Variants in FANCL observed in about 807,000 individuals in gnomAD.
FANCL encodes the protein E3 ubiquitin-protein ligase FANCL.
Under a neutral mutation model 59.4 loss-of-function variants are expected in FANCL, and 69 were observed. The observed-to-expected ratio is 1.16, with a 90% CI of 0.96 to 1.42. The LOEUF (loss-of-function observed/expected upper bound fraction) is 1.42. Among genes scored for constraint, FANCL ranks in the 40% most tolerant of loss-of-function variants. The pLI is 0.00. For missense variants in FANCL, 519 were observed against 447.2 expected, an observed-to-expected ratio of 1.16 and a Z score of -1.45; for synonymous variants, 180 against 147.1, an observed-to-expected ratio of 1.22 and a Z score of -1.62.
chr2:58,212,575 T>G (rs781384016), intron 5 of FANCL, among the ~76,000 whole-genome samples: 2 of 152,216 alleles, frequency 1.3e-5, no homozygotes, highest in African/African-American at 2.4e-5. Context: ...GCAAAAGTAT[T>G]TGGTACTTTC....
In FANCL at chr2:58,187,504, A is replaced by C. The variant is rs575810554; in HGVS notation, c.540+11090T>G. Among the ~76,000 whole-genome samples, 652 of 152,134 alleles carry C rather than the reference A, an allele frequency of 4.3e-3. 3 individuals are homozygous for C. Among genetic ancestry groups the C allele is most frequent in the African/African-American group, 0.015 (606 of 41,496 alleles). On this transcript the variant is annotated intron_variant, in intron 7 of 13. Coordinates refer to ENST00000233741, the MANE Select transcript of FANCL (RefSeq NM_018062.4). The stretch of plus-strand genomic sequence containing the variant: ...TGGGAGCAGCAAACCAACATGGCCC[A>C]TGTATACATATGTAACAAACCTGCA...
chr2:58,201,959 TG>T (rs1460653859), intron 6 of FANCL, among the ~76,000 whole-genome samples: 1 of 151,742 alleles, frequency 6.6e-6, no homozygotes, highest in African/African-American at 2.4e-5. Flanking sequence ...CTTTGAGGTA[TG>T]TTATTAATAA....
At chr2:58,215,552 T>C (rs1461683630) in intron 5 of FANCL, among the ~76,000 whole-genome samples, 1 of 152,090 alleles carries the variant, frequency 6.6e-6, no homozygotes, top group African/African-American at 2.4e-5. Context: ...TGACCAGGCC[T>C]TGAAGGGCCA....
intron 7 of FANCL, among the ~76,000 whole-genome samples, chr2:58,196,428 A>T (rs954926789): frequency 3.9e-5 from 6 of 152,078 alleles, no homozygotes; most frequent in Non-Finnish European, 8.8e-5. Flanking sequence ...ATTTCAGTAT[A>T]TTCCACAAAT....
intron 7 of FANCL, among the ~76,000 whole-genome samples, chr2:58,175,314 G>T (rs558508469): frequency 1.1e-3 from 167 of 148,244 alleles, no homozygotes; most frequent in Admixed American, 1.1e-3. Flanking sequence ...TACCAAAGCC[G>T]GGCAGAGACA....
chr2:58,217,180 A>ATT (rs1558806442), intron 5 of FANCL, among the ~76,000 whole-genome samples: 522 of 7,908 alleles, frequency 0.066, 19 homozygotes, highest in African/African-American at 0.23. Flanking sequence ...ATATATATAT[A>ATT]TATATATATA....
intron 6 of FANCL, among the ~76,000 whole-genome samples, chr2:58,203,434 T>C (rs1011595642): frequency 6.6e-6 from 1 of 151,962 alleles, no homozygotes; most frequent in Non-Finnish European, 1.5e-5. Context: ...GACATCCTGG[T>C]TTTCTTCAAA....
chr2:58,228,074 T>C (rs28434419), intron 3 of FANCL, among the ~76,000 whole-genome samples: 2,288 of 152,044 alleles, frequency 0.015, 57 homozygotes, highest in African/African-American at 0.051. Flanking sequence ...TATGGTCATT[T>C]TTTTTATTTT....
intron 7 of FANCL, among the ~76,000 whole-genome samples, chr2:58,176,209 G>A (rs1349583363): frequency 6.6e-6 from 1 of 152,166 alleles, no homozygotes; most frequent in African/African-American, 2.4e-5. Context: ...ACTGCCCAAC[G>A]TACTTTATAG....
At chr2:58,172,687 A>G (rs1356194011) in intron 7 of FANCL, among the ~76,000 whole-genome samples, 1 of 152,200 alleles carries the variant, frequency 6.6e-6, no homozygotes, top group Non-Finnish European at 1.5e-5. Flanking sequence ...AAGATGGGGA[A>G]AAAACAGACC....
chr2:58,192,827 T>C (rs1689064274), intron 7 of FANCL, among the ~76,000 whole-genome samples: 2 of 151,848 alleles, frequency 1.3e-5, no homozygotes, highest in Non-Finnish European at 1.5e-5. Context: ...ACAGGTGAGA[T>C]GAAGGCTATG....
At position 58,160,137 on chromosome 2, in the gene FANCL, T is replaced by C; in HGVS notation, c.1063A>G (p.Ile355Val). ...LLTSRQSFNI[I>V]FGECPYCSKP... Reference sequence around the variant, plus strand: ...CTACAATATGGACATTCACCAAATATGATGTTAAAACTCTGTCTACTAGTT... The same window carrying C: ...CTACAATATGGACATTCACCAAATACGATGTTAAAACTCTGTCTACTAGTT... The change falls in exon 13 of 14, where the codon ATA becomes GTA. Residue 355 changes from isoleucine to valine, a missense_variant. By Grantham distance (29) the Ile-to-Val change is conservative. Transcript: ENST00000233741. The C allele has an allele frequency of 1.2e-6, 2 of 1,612,914 alleles. No homozygotes were observed. The highest frequency in any genetic ancestry group is 8.5e-7 in the Non-Finnish European group (1 of 1,179,108).
At chr2:58,160,208 C>T (rs1281759562) in intron 12 of FANCL, 29 bp from the exon 13 acceptor site, 3 of 1,604,838 alleles carry the variant, frequency 1.9e-6, no homozygotes, top group Non-Finnish European at 2.6e-6. Flanking sequence ...AAAGGAGAAG[C>T]GTCAGCATGA....
chr2:58,175,079 A>C (rs1187937805), intron 7 of FANCL, among the ~76,000 whole-genome samples: 3 of 150,938 alleles, frequency 2.0e-5, no homozygotes, highest in Non-Finnish European at 2.9e-5. Context: ...CCAAGACTAA[A>C]CCAGGAAGAA....
Position 58,159,635 on chromosome 2 carries a change from A to C in FANCL, c.*130T>G. 1 of 1,613,794 alleles carries C rather than the reference A, an allele frequency of 6.2e-7. No homozygotes were observed. The highest frequency in any genetic ancestry group is 8.5e-7 in the Non-Finnish European group (1 of 1,179,776). ...GAGACAAACGCAGATGTTTATTATT[A>C]TCGCATCATCATACCTGTCCTTTTG... On this transcript the variant is annotated 3_prime_UTR_variant, in exon 14 of 14. Transcript: ENST00000233741.
At chr2:58,160,002 G>C (rs900144488) in intron 13 of FANCL, 106 bp downstream of exon 13, 2 of 1,559,674 alleles carry the variant, frequency 1.3e-6, no homozygotes, top group African/African-American at 2.8e-5. Flanking sequence ...CAGAGAATGA[G>C]TTTCAAAAGT....
At chr2:58,178,731 G>C (rs1411321443) in intron 7 of FANCL, among the ~76,000 whole-genome samples, 1 of 152,158 alleles carries the variant, frequency 6.6e-6, no homozygotes, top group African/African-American at 2.4e-5. Flanking sequence ...GTTCTAGCCA[G>C]GGCAATCAGG....
chr2:58,173,068 A>C (rs1269813245), intron 7 of FANCL, among the ~76,000 whole-genome samples: 1 of 152,184 alleles, frequency 6.6e-6, no homozygotes, highest in Non-Finnish European at 1.5e-5. Flanking sequence ...GAAATGAAGC[A>C]AGAAGGGAAG....
chr2:58,214,512 T>A (rs1339251258), intron 5 of FANCL, among the ~76,000 whole-genome samples: 1 of 151,972 alleles, frequency 6.6e-6, no homozygotes. Flanking sequence ...GAGGAATCTT[T>A]ATTGTTGTTG....
Sources: gnomAD v4.1 joint callset for allele counts (sites outside exome capture counted in the v4.1 genomes callset) on GRCh38, gnomAD v4.1.1 for gene constraint, MANE v1.5 for transcripts, NCBI Gene and HGNC (gene_info 2026-07-23, HGNC 2026-07-21) for gene names.